Variants in ASIC2 observed in about 807,000 individuals in gnomAD.
ASIC2 encodes the protein acid-sensing ion channel 2.
In ASIC2, 25 loss-of-function variants were observed where a neutral mutation model predicts 57.3. That is an observed-to-expected ratio of 0.44 (90% CI 0.32 to 0.61). The LOEUF is 0.61. ASIC2 is among the 20% of genes least tolerant of loss of function. The pLI, the probability that ASIC2 is intolerant of heterozygous loss-of-function variation, is 0.06. For missense variants in ASIC2, 641 were observed against 738.1 expected (o/e 0.87, Z 1.52); for synonymous variants, 319 against 307.5 (o/e 1.04, Z -0.39).
In ASIC2 at chr17:33,451,421, A is replaced by G. The variant is rs568683726; in HGVS notation, c.556-339354T>C. On this transcript the variant is annotated intron_variant, in intron 1 of 9. Coordinates refer to the ASIC2 transcript ENST00000359872. ...AGTTAACTTTTTGCCTTAACACGCCAAAAGTTTGACCTTCTATGACCCCTT... is the reference window on the plus strand; with the variant it reads ...AGTTAACTTTTTGCCTTAACACGCCGAAAGTTTGACCTTCTATGACCCCTT... Among the ~76,000 whole-genome samples the G allele has an allele frequency of 5.3e-5, 8 of 152,168 alleles. No individual in the cohort carries two copies. In the South Asian group the frequency reaches 1.5e-3, roughly 28 times the overall value.
At position 34,028,352 on chromosome 17, in the gene ASIC2, T is replaced by C. The variant is rs559678108; in HGVS notation, c.555+127626A>G. The stretch of plus-strand genomic sequence containing the variant: ...TCTCCTTTCTTTGCAATTCCTAACA[T>C]GTGCTTCTTGGAGAGGCTGTGCTTT... On this transcript the variant is annotated intron_variant, in intron 1 of 9. Transcript: ENST00000359872. Among the ~76,000 whole-genome samples, 7 of 152,328 alleles carry C rather than the reference T, an allele frequency of 4.6e-5. No homozygotes were observed. The South Asian group carries it at 1.5e-3, about 32-fold the overall frequency.
At chr17:33,884,110 G>A (rs1026174670) in intron 1 of ASIC2, among the ~76,000 whole-genome samples, 5 of 152,200 alleles carry the variant, frequency 3.3e-5, no homozygotes, top group South Asian at 2.1e-4. Flanking sequence ...CTCTGTGTCC[G>A]GCGCTGGGTG....
At chr17:33,608,347 C>G (rs1226391100) in intron 1 of ASIC2, among the ~76,000 whole-genome samples, 1 of 151,736 alleles carries the variant, frequency 6.6e-6, no homozygotes, top group Non-Finnish European at 1.5e-5. Flanking sequence ...GTCTGCTGCT[C>G]CTTCCAGTAG....
intron 1 of ASIC2, among the ~76,000 whole-genome samples, chr17:33,615,898 C>T (rs534691870): frequency 6.6e-6 from 1 of 152,296 alleles, no homozygotes; most frequent in East Asian, 1.9e-4. Flanking sequence ...AGGAAGGAGG[C>T]GGGGAGTCTC....
chr17:33,018,754 G>C (rs1015573037), intron 7 of ASIC2, among the ~76,000 whole-genome samples: 1 of 152,034 alleles, frequency 6.6e-6, no homozygotes, highest in Admixed American at 6.5e-5. Context: ...GGTTGGATGA[G>C]ATGAACTATG....
At chr17:33,603,420 T>A (rs1905155934) in intron 1 of ASIC2, among the ~76,000 whole-genome samples, 1 of 152,172 alleles carries the variant, frequency 6.6e-6, no homozygotes, top group Admixed American at 6.5e-5. Flanking sequence ...AGGGGCCAGC[T>A]AGTTGCAGCC....
intron 1 of ASIC2, among the ~76,000 whole-genome samples, chr17:33,782,627 G>T (rs1387182943): frequency 6.6e-6 from 1 of 152,122 alleles, no homozygotes; most frequent in Non-Finnish European, 1.5e-5. Context: ...TACTTGGGAG[G>T]CTTAGGTGAG....
chr17:34,055,305 A>C (rs1035434609), intron 1 of ASIC2, among the ~76,000 whole-genome samples: 3 of 152,206 alleles, frequency 2.0e-5, no homozygotes, highest in African/African-American at 7.2e-5. Context: ...ACGAACCTTC[A>C]TGTGTCCATC....
At chr17:34,012,004 A>G (rs533721567) in intron 1 of ASIC2, among the ~76,000 whole-genome samples, 2 of 152,118 alleles carry the variant, frequency 1.3e-5, no homozygotes, top group South Asian at 4.1e-4. Context: ...AGGAGGCCAG[A>G]CTGAACTTAC....
At chr17:33,180,648 A>G (rs1000850768) in intron 1 of ASIC2, among the ~76,000 whole-genome samples, 16 of 152,132 alleles carry the variant, frequency 1.1e-4, no homozygotes, top group African/African-American at 3.9e-4. Context: ...GGGGATGCTG[A>G]CTTACTGAAA....
At chr17:33,551,922 C>T (rs1915764291) in intron 1 of ASIC2, among the ~76,000 whole-genome samples, 1 of 152,124 alleles carries the variant, frequency 6.6e-6, no homozygotes, top group African/African-American at 2.4e-5. Context: ...AAGGTTGTCA[C>T]AAAGGAGCCT....
intron 1 of ASIC2, among the ~76,000 whole-genome samples, chr17:34,088,104 A>C (rs1397597145): frequency 6.6e-6 from 1 of 152,200 alleles, no homozygotes. Flanking sequence ...CCTTTGGAGG[A>C]GGAGAGGCGC....
chr17:33,377,207 C>T (rs1909311636), intron 1 of ASIC2, among the ~76,000 whole-genome samples: 1 of 152,130 alleles, frequency 6.6e-6, no homozygotes, highest in Admixed American at 6.5e-5. Context: ...CTTGCTACCA[C>T]ATCCAGCTAA....
chr17:34,125,553 G>A (rs1351488452), intron 1 of ASIC2, among the ~76,000 whole-genome samples: 1 of 152,074 alleles, frequency 6.6e-6, no homozygotes, highest in East Asian at 1.9e-4. Context: ...AGACTGAAAC[G>A]ATACCCAAAT....
intron 1 of ASIC2, among the ~76,000 whole-genome samples, chr17:33,903,532 A>G (rs1915275108): frequency 6.6e-6 from 1 of 152,226 alleles, no homozygotes; most frequent in Non-Finnish European, 1.5e-5. Context: ...GACAAATCCT[A>G]AAGAAATGTA....
chr17:33,864,753 A>T (rs1914188650), intron 1 of ASIC2, among the ~76,000 whole-genome samples: 1 of 152,180 alleles, frequency 6.6e-6, no homozygotes, highest in Non-Finnish European at 1.5e-5. Flanking sequence ...GAAACAGATC[A>T]TTGGAAGCTT....
In ASIC2 at chr17:34,074,782, C is replaced by CTTT. The variant is rs35010578; in HGVS notation, c.555+81193_555+81195dup. On this transcript the variant is annotated intron_variant, in intron 1 of 9. Transcript: ENST00000359872. ...GTGTGGCTTTTTTCTTTCTTTCTTT[C>CTTT]TTTTTTTTTTTTTTTTTTTTTGAGA... Among the ~76,000 whole-genome samples, 112 of 113,902 alleles carry CTTT rather than the reference C, an allele frequency of 9.8e-4. 1 individual carries two copies. The highest frequency in any genetic ancestry group is 1.2e-3 in the African/African-American group (35 of 28,318). The allele number at this position is 113,902 out of a possible 152,430, so 74.7% of individuals were successfully genotyped here.
At chr17:33,661,549 C>G (rs541511915) in intron 1 of ASIC2, among the ~76,000 whole-genome samples, 1 of 152,192 alleles carries the variant, frequency 6.6e-6, no homozygotes, top group Admixed American at 6.5e-5. Flanking sequence ...CTCGGTTTCC[C>G]TATCTTATTC....
intron 1 of ASIC2, among the ~76,000 whole-genome samples, chr17:33,444,190 G>T (rs1362349192): frequency 2.0e-5 from 3 of 152,168 alleles, no homozygotes; most frequent in African/African-American, 7.2e-5. Context: ...TCAGAGAAAG[G>T]ATTTATCAAC....
Sources: gnomAD v4.1 joint callset for allele counts (sites outside exome capture counted in the v4.1 genomes callset) on GRCh38, gnomAD v4.1.1 for gene constraint, MANE v1.5 for transcripts, NCBI Gene and HGNC (gene_info 2026-07-23, HGNC 2026-07-21) for gene names.